Variants in RRAS observed in about 807,000 individuals in gnomAD.
The protein encoded by RRAS is RAS related, also known as ras-related protein R-Ras.
A neutral mutation model predicts 23.3 loss-of-function variants in RRAS; 18 were observed. The ratio of observed to expected loss-of-function variants is 0.77; its 90% CI spans 0.53 to 1.15. The LOEUF is 1.15. Among genes scored for constraint, RRAS ranks in the 50% most tolerant of loss-of-function variants. RRAS has a pLI of 0.00. For missense variants in RRAS, 291 were observed against 317.1 expected, an observed-to-expected ratio of 0.92 and a Z score of 0.62; for synonymous variants, 133 against 138.3, an observed-to-expected ratio of 0.96 and a Z score of 0.27.
At position 49,635,449 on chromosome 19, in the gene RRAS, G is replaced by T; in HGVS notation, c.*127C>A. The T allele has an allele frequency of 1.9e-6, 1 of 521,938 alleles. No individual in the cohort carries two copies. Among genetic ancestry groups the T allele is most frequent in the Non-Finnish European group, 3.2e-6 (1 of 309,034 alleles). 32.3% of individuals were successfully genotyped at this position (521,938 alleles called of 1,614,324 possible). A position where few individuals can be genotyped will look rare whatever the true frequency, so the allele number is the denominator to read the frequency against. On this transcript the variant is annotated 3_prime_UTR_variant, in exon 6 of 6. Transcript: ENST00000246792. ...AGAAGAGGCCAGGAAGTAAGGGTGG[G>T]TATGTGATGTGTCCTGGGAGACCCA...
rs777971803 is a variant in RRAS, at chr19:49,635,590, A to C, written c.643T>G (p.Cys215Gly). The change falls in exon 6 of 6, where the codon TGC becomes GGC. Residue 215 changes from cysteine (C) to glycine (G), a missense_variant. Cys to Gly is a radical substitution (Grantham distance 159, BLOSUM62 -3). Transcript: ENST00000246792. ...TCTTGCCTGGGCTACAGGAGGACGC[A>C]GGGGCAGCCCCCGCCCTTCTTCCTG... is the stretch of plus-strand genomic sequence containing the variant. ...APRKKGGGCP[C>G]VLL 15 of 1,443,690 alleles carry C rather than the reference A, an allele frequency of 1.0e-5. No homozygotes were observed. Among genetic ancestry groups the C allele is most frequent in the Non-Finnish European group, 1.4e-5 (15 of 1,090,452 alleles). The allele number at this position is 1,443,690 out of a possible 1,614,324, so 89.4% of individuals were successfully genotyped here.
intron 1 of RRAS, among the ~76,000 whole-genome samples, 171 bp from the exon 2 acceptor site, chr19:49,637,301 C>CT (rs11400258): frequency 0.66 from 69,276 of 104,200 alleles, 25,232 homozygotes; most frequent in Admixed American, 0.76. Flanking sequence ...CTCTCTGAGT[C>CT]TTTTTTTTTT....
In RRAS at chr19:49,636,759, C is replaced by G. The variant is rs749393777; in HGVS notation, c.345-32G>C. ...GTGAAGCCGGAGGCATGAGGTCCAG[C>G]CAGCTGCAGAGCCCAGGTCCTCCCC... On this transcript the variant is annotated intron_variant, in intron 3 of 5. Transcript: ENST00000246792. This position sits in a 1 kb window ranked among gnomAD's most constrained non-coding sequence, Gnocchi z 4.5. 1 of 1,610,178 alleles carries G rather than the reference C, an allele frequency of 6.2e-7. No individual in the cohort carries two copies.
At chr19:49,635,917 C>G in intron 4 of RRAS, 65 bp from the exon 5 acceptor site, 1 of 813,498 alleles carries the variant, frequency 1.2e-6, no homozygotes, top group South Asian at 1.6e-5. Flanking sequence ...GCCAGAGAGA[C>G]AGACAGGCAG....
At chr19:49,638,476 G>T (rs2081006947) in intron 1 of RRAS, among the ~76,000 whole-genome samples, 1 of 152,124 alleles carries the variant, frequency 6.6e-6, no homozygotes, top group Admixed American at 6.5e-5. Context: ...AGGTTTCCTG[G>T]GCTGGGGTGG....
chr19:49,639,908 G>C, intron 1 of RRAS, 38 bp downstream of exon 1: 1 of 1,541,798 alleles, frequency 6.5e-7, no homozygotes, highest in Non-Finnish European at 8.7e-7. Flanking sequence ...CTCAGTTCTG[G>C]GTCCCGGGGG....
At chr19:49,635,689 T>C (rs2080992841) in intron 5 of RRAS, 29 bp from the exon 6 acceptor site, 3 of 1,494,956 alleles carry the variant, frequency 2.0e-6, no homozygotes, top group Middle Eastern at 1.8e-4. Context: ...GAGTTTGGAG[T>C]GGAAGGGCTG....
Position 49,635,495 on chromosome 19 carries a change from G to T in RRAS, c.*81C>A. The T allele has an allele frequency of 2.4e-6, 2 of 850,284 alleles. No individual in the cohort carries two copies. Among genetic ancestry groups the T allele is most frequent in the East Asian group, 2.9e-5 (1 of 34,722 alleles). The allele number at this position is 850,284 out of a possible 1,614,324, so 52.7% of individuals were successfully genotyped here. On this transcript the variant is annotated 3_prime_UTR_variant, in exon 6 of 6. Transcript: ENST00000246792. ...ACCCAGATGAGGAAATTGAGGCTCA[G>T]TGAGGGCCTCAGGTCACACAGCAAG...
Position 49,636,894 on chromosome 19 carries a change from CCCCGAACTCTTCCTGG to C in RRAS, c.258_273del (p.Gln87ProfsTer2), listed in dbSNP as rs1222656445. ...GCACGCATGTACTGCTCTCTCATGG[CCCCGAACTCTTCCTGG>C]CCCGCGGTGTCCAGGACTGCAGAGA... On this transcript the variant is annotated frameshift_variant, in exon 3 of 6. Transcript: ENST00000246792. LOFTEE classifies it high-confidence loss of function. The surrounding 1 kb of genome is among the most constrained non-coding windows in gnomAD (Gnocchi z 4.5). 6.2e-7 allele frequency: 1 copy of C among 1,613,362 alleles called. No individual in the cohort carries two copies. Among genetic ancestry groups the C allele is most frequent in the Non-Finnish European group, 8.5e-7 (1 of 1,180,046 alleles).
In RRAS at chr19:49,636,850, C is replaced by A; in HGVS notation, c.318G>T (p.Leu106=). The change falls in exon 3 of 6, where the codon CTG becomes CTT. Residue 106 remains leucine (L), a synonymous_variant. Coordinates refer to ENST00000246792, the MANE Select transcript of RRAS (RefSeq NM_006270.5). The surrounding 1 kb of genome is among the most constrained non-coding windows in gnomAD (Gnocchi z 4.5). The part of the protein sequence containing the change: ...QYMRAGHGFL[L]VFAINDRQSF... ...TCTGCCGGTCGTTAATGGCGAACAC[C>A]AGCAGGAAGCCGTGGCCAGCACGCA... is the stretch of plus-strand genomic sequence containing the variant. The A allele has an allele frequency of 3.7e-6, 6 of 1,613,378 alleles. No individual in the cohort carries two copies. The highest frequency in any genetic ancestry group is 5.1e-6 in the Non-Finnish European group (6 of 1,180,002).
chr19:49,636,579 A>G lies in RRAS; in HGVS notation c.453+40T>C. ...ACAGGTGTGCTGGAAGGAGCCTCCC[A>G]GACTGAGATGGGGTCCCCAGAAAGA... On this transcript the variant is annotated intron_variant, in intron 4 of 5. Coordinates refer to ENST00000246792, the MANE Select transcript of RRAS (RefSeq NM_006270.5). This position sits in a 1 kb window ranked among gnomAD's most constrained non-coding sequence, Gnocchi z 4.5. 1.4e-6 allele frequency: 2 copies of G among 1,451,622 alleles called. No homozygotes were observed. The highest frequency in any genetic ancestry group is 1.9e-6 in the Non-Finnish European group (2 of 1,031,980). 89.9% of individuals were successfully genotyped at this position (1,451,622 alleles called of 1,614,324 possible).
At chr19:49,637,229 T>C (rs890830001) in intron 1 of RRAS, 99 bp from the exon 2 acceptor site, 1 of 815,004 alleles carries the variant, frequency 1.2e-6, no homozygotes, top group Non-Finnish European at 2.0e-6. Context: ...CCTCTCTCTC[T>C]AAATGTCTGT....
In RRAS at chr19:49,636,193, CGTT is replaced by C. The variant is rs1359450096; in HGVS notation, c.454-344_454-342del. On this transcript the variant is annotated intron_variant, in intron 4 of 5. Transcript: ENST00000246792. The surrounding 1 kb of genome is among the most constrained non-coding windows in gnomAD (Gnocchi z 4.5). ...AGATGGATGAGTTCTGTGTGGAAAT[CGTT>C]GTGGGGGAAGTGATGGGAGCAGGGA... 1.3e-5 allele frequency among the ~76,000 whole-genome samples: 2 copies of C among 151,868 alleles called. No individual in the cohort carries two copies. Among genetic ancestry groups the C allele is most frequent in the East Asian group, 1.9e-4 (1 of 5,156 alleles).
At position 49,637,125 on chromosome 19, in the gene RRAS, G is replaced by T; in HGVS notation, c.159C>A (p.Tyr53Ter). 1 of 1,612,214 alleles carries T rather than the reference G, an allele frequency of 6.2e-7. No homozygotes were observed. Among genetic ancestry groups the T allele is most frequent in the East Asian group, 2.2e-5 (1 of 44,844 alleles). Residue 53 changes from tyrosine to a stop codon, truncating the protein, a stop_gained, in exon 2 of 6, where the codon TAC (tyrosine) becomes TAA (stop). Transcript: ENST00000246792. LOFTEE classifies it high-confidence loss of function. ...SALTIQFIQS[Y>*]FVSDYDPTIE... ...TAGTGGGGTCGTAGTCAGACACGAAGTAGGACTGGCGGGGTGGGGAGAGGA... is the reference window on the plus strand; with the variant it reads ...TAGTGGGGTCGTAGTCAGACACGAATTAGGACTGGCGGGGTGGGGAGAGGA...
rs1467822208 is a variant in RRAS at position 49,636,370 on chromosome 19, C to T, written c.453+249G>A. 6.6e-6 allele frequency among the ~76,000 whole-genome samples: 1 copy of T among 151,886 alleles called. No individual in the cohort carries two copies. The highest frequency in any genetic ancestry group is 1.9e-4 in the East Asian group (1 of 5,182). On this transcript the variant is annotated intron_variant, in intron 4 of 5. Coordinates refer to ENST00000246792, the MANE Select transcript of RRAS (RefSeq NM_006270.5). The surrounding 1 kb of genome is among the most constrained non-coding windows in gnomAD (Gnocchi z 4.5). ...GCGAGGAAGGGGCAAAGAGAGCTGG[C>T]GGACGGGGGGTGAATGTCCTTTGTT... is the stretch of plus-strand genomic sequence containing the variant.
chr19:49,635,958 T>C (rs1463456414), intron 4 of RRAS, 106 bp from the exon 5 acceptor site: 9 of 560,102 alleles, frequency 1.6e-5, no homozygotes, highest in Non-Finnish European at 2.5e-5. Context: ...TGACCCACTG[T>C]GAGAACTCAA....
chr19:49,635,525 G>T lies in RRAS; in HGVS notation c.*51C>A. The stretch of plus-strand genomic sequence containing the variant: ...GGCCTCAGGTCACACAGCAAGGTGC[G>T]AAGGCAGCTAGTCCCGAGAGCTTGT... On this transcript the variant is annotated 3_prime_UTR_variant, in exon 6 of 6. Coordinates refer to ENST00000246792, the MANE Select transcript of RRAS (RefSeq NM_006270.5). The T allele has an allele frequency of 8.2e-7, 1 of 1,218,896 alleles. No homozygotes were observed. The highest frequency in any genetic ancestry group is 1.1e-6 in the Non-Finnish European group (1 of 908,946). The allele number at this position is 1,218,896 out of a possible 1,614,324, so 75.5% of individuals were successfully genotyped here. A position where few individuals can be genotyped will look rare whatever the true frequency, so the allele number is the denominator to read the frequency against.
In RRAS at chr19:49,636,572, G is replaced by A. The variant is rs1466547484; in HGVS notation, c.453+47C>T. On this transcript the variant is annotated intron_variant, in intron 4 of 5. Coordinates refer to ENST00000246792, the MANE Select transcript of RRAS (RefSeq NM_006270.5). This position sits in a 1 kb window ranked among gnomAD's most constrained non-coding sequence, Gnocchi z 4.5. ...ATGGGGGACAGGTGTGCTGGAAGGA[G>A]CCTCCCAGACTGAGATGGGGTCCCC... 2 of 1,338,122 alleles carry A rather than the reference G, an allele frequency of 1.5e-6. No homozygotes were observed. The highest frequency in any genetic ancestry group is 1.8e-4 in the Middle Eastern group (1 of 5,410). The allele number at this position is 1,338,122 out of a possible 1,614,324, so 82.9% of individuals were successfully genotyped here.
chr19:49,635,963 A>C, intron 4 of RRAS, 111 bp from the exon 5 acceptor site: 1 of 552,738 alleles, frequency 1.8e-6, no homozygotes, highest in Non-Finnish European at 3.2e-6. Flanking sequence ...CACTGTGAGA[A>C]CTCAAAGAGG....
Sources: gnomAD v4.1 joint callset for allele counts (sites outside exome capture counted in the v4.1 genomes callset) on GRCh38, gnomAD v4.1.1 for gene constraint, Gnocchi (gnomAD v3.1) non-coding constraint, MANE v1.5 for transcripts, NCBI Gene and HGNC (gene_info 2026-07-23, HGNC 2026-07-21) for gene names.